STK33: variants seen among roughly 807,000 people sequenced by gnomAD.
STK33 encodes serine/threonine kinase 33.
A neutral mutation model predicts 58.0 loss-of-function variants in STK33; 52 were observed. The observed-to-expected ratio is 0.90, with a 90% CI of 0.72 to 1.13. The LOEUF (loss-of-function observed/expected upper bound fraction) is 1.13. Ranked by LOEUF, STK33 falls within the 50% of genes most tolerant of loss-of-function variation. The pLI is 0.00. For synonymous variants in STK33, 215 were observed against 200.1 expected (o/e 1.07, Z -0.63); for missense variants, 630 against 604.2 (o/e 1.04, Z -0.45).
In STK33 at chr11:8,454,890, C is replaced by G. The variant is rs1182761346; in HGVS notation, c.698-58G>C. 3.5e-6 allele frequency: 5 copies of G among 1,432,716 alleles called. No individual in the cohort carries two copies. In the East Asian group the frequency reaches 1.3e-4, roughly 37 times the overall value. 88.8% of individuals were successfully genotyped at this position (1,432,716 alleles called of 1,614,324 possible). ...ATGAATAATGGAAAAATAGGAGAGA[C>G]ACATATAGATTAAATATATTTGACA... On this transcript the variant is annotated intron_variant, in intron 9 of 15. Transcript: ENST00000687296.
downstream of STK33, among the ~76,000 whole-genome samples, chr11:8,390,542 A>T (rs1848606305): frequency 6.6e-6 from 1 of 152,220 alleles, no homozygotes; most frequent in Admixed American, 6.5e-5. Context: ...TGTTCTACAC[A>T]ACGAAGTAAC....
chr11:8,413,151 C>G (rs997333800), intron 15 of STK33, among the ~76,000 whole-genome samples: 4 of 152,172 alleles, frequency 2.6e-5, no homozygotes, highest in Admixed American at 6.5e-5. Flanking sequence ...CATGGCCACA[C>G]TCATTCATTT....
At chr11:8,552,475 A>C (rs531184671) in intron 1 of STK33, among the ~76,000 whole-genome samples, 1 of 152,212 alleles carries the variant, frequency 6.6e-6, no homozygotes, top group Admixed American at 6.5e-5. Context: ...CTTCTTTTTA[A>C]TAACACATAG....
the STK33 span, among the ~76,000 whole-genome samples, chr11:8,381,187 T>G: frequency 6.6e-6 from 1 of 152,138 alleles, no homozygotes; most frequent in Non-Finnish European, 1.5e-5. Context: ...ATGGGTGCAC[T>G]CAAATCTCAG....
rs950740257 is a variant in STK33 at position 8,478,104 on chromosome 11, A to C, written c.-260-821T>G. 4.6e-5 allele frequency among the ~76,000 whole-genome samples: 7 copies of C among 152,314 alleles called. 1 individual carries two copies. In the Middle Eastern group the frequency reaches 0.01, roughly 222 times the overall value. ...ATAGAACAAATGTTTACTCACATTT[A>C]TTTCTTTCTCATTTACGAATTGATC... On this transcript the variant is annotated intron_variant, in intron 2 of 15. Coordinates refer to ENST00000687296, the MANE Select transcript of STK33 (RefSeq NM_001352389.2).
intron 15 of STK33, 70 bp downstream of exon 15, chr11:8,413,425 C>A: frequency 6.5e-7 from 1 of 1,543,896 alleles, no homozygotes; most frequent in Non-Finnish European, 8.9e-7. Context: ...GACAGATTTG[C>A]AAAAAAAATG....
chr11:8,399,375 C>T (rs1849969168), intron 15 of STK33, among the ~76,000 whole-genome samples: 1 of 135,150 alleles, frequency 7.4e-6, no homozygotes, highest in Non-Finnish European at 1.7e-5. Flanking sequence ...CTACTGGGTA[C>T]ATAACGAAAT....
chr11:8,585,576 T>C (rs980163182), intron 1 of STK33, among the ~76,000 whole-genome samples: 2 of 151,898 alleles, frequency 1.3e-5, no homozygotes, highest in Non-Finnish European at 2.9e-5. Context: ...CCAAGACAGA[T>C]GTTAATTAAC....
chr11:8,514,279 A>G (rs1362143795), intron 1 of STK33, among the ~76,000 whole-genome samples: 1 of 152,186 alleles, frequency 6.6e-6, no homozygotes, highest in African/African-American at 2.4e-5. Context: ...ATAAATGACT[A>G]TAATTATTAT....
intron 8 of STK33, among the ~76,000 whole-genome samples, chr11:8,458,736 C>G (rs1191143394): frequency 6.6e-6 from 1 of 152,164 alleles, no homozygotes; most frequent in Non-Finnish European, 1.5e-5. Context: ...AAAAGCAAGT[C>G]TTTTTCATAC....
chr11:8,411,834 T>A (rs1478388939), intron 15 of STK33, among the ~76,000 whole-genome samples: 1 of 152,208 alleles, frequency 6.6e-6, no homozygotes, highest in East Asian at 1.9e-4. Context: ...ATTTCTATAT[T>A]CTTGAAATGT....
At chr11:8,364,206 G>A in the STK33 span, among the ~76,000 whole-genome samples, 2 of 152,188 alleles carry the variant, frequency 1.3e-5, no homozygotes, top group Non-Finnish European at 2.9e-5. Context: ...GGAGCCAAAT[G>A]GTGGCGACGT....
At chr11:8,431,109 C>T (rs1268885678) in intron 14 of STK33, among the ~76,000 whole-genome samples, 1 of 152,068 alleles carries the variant, frequency 6.6e-6, no homozygotes, top group Non-Finnish European at 1.5e-5. Flanking sequence ...TTGTGATCCG[C>T]CTGCCTCGGC....
intron 1 of STK33, among the ~76,000 whole-genome samples, chr11:8,556,489 A>C (rs1384707866): frequency 6.6e-6 from 1 of 152,156 alleles, no homozygotes; most frequent in East Asian, 1.9e-4. Context: ...AAGTACTATA[A>C]AATGATATCA....
chr11:8,508,353 C>T (rs185628035), intron 1 of STK33, among the ~76,000 whole-genome samples: 197 of 148,812 alleles, frequency 1.3e-3, no homozygotes, highest in African/African-American at 4.7e-3. Context: ...ACTGCAGCCT[C>T]GAACTCCTAG....
At chr11:8,365,327 G>A in the STK33 span, among the ~76,000 whole-genome samples, 17 of 152,292 alleles carry the variant, frequency 1.1e-4, no homozygotes, top group East Asian at 1.2e-3. Flanking sequence ...CTAGGAAGCT[G>A]ACGGGGACCT....
chr11:8,462,442 TACACACAC>T (rs10635095), intron 7 of STK33, among the ~76,000 whole-genome samples: 6 of 128,326 alleles, frequency 4.7e-5, no homozygotes, highest in African/African-American at 6.4e-5. Flanking sequence ...TATACATATA[TACACACAC>T]ACACACACAC....
intron 1 of STK33, among the ~76,000 whole-genome samples, chr11:8,509,001 A>G (rs1952090359): frequency 6.6e-6 from 1 of 151,870 alleles, no homozygotes; most frequent in South Asian, 2.1e-4. Flanking sequence ...CTGTAATCCC[A>G]GCTACTCAGG....
chr11:8,486,094 A>C (rs1014718213), intron 1 of STK33, among the ~76,000 whole-genome samples: 1 of 152,076 alleles, frequency 6.6e-6, no homozygotes, highest in Non-Finnish European at 1.5e-5. Context: ...TAACTGGTCA[A>C]CCTGACTCCA....
Sources: allele counts gnomAD v4.1 joint callset (sites outside exome capture counted in the v4.1 genomes callset), GRCh38; gene constraint gnomAD v4.1.1; transcripts MANE v1.5; gene names NCBI Gene and HGNC (gene_info 2026-07-23, HGNC 2026-07-21).